ABI3BP: variants seen among roughly 807,000 people sequenced by gnomAD.
ABI3BP encodes target of Nesh-SH3.
ABI3BP carries 216 observed loss-of-function variants against 268.6 expected under a neutral mutation model. The ratio of observed to expected loss-of-function variants is 0.80; its 90% CI spans 0.72 to 0.90. The LOEUF (loss-of-function observed/expected upper bound fraction) is 0.90. Ranked by LOEUF, ABI3BP falls within the 40% of genes least tolerant of loss-of-function variation. ABI3BP has a pLI of 0.00. For missense variants in ABI3BP, 2,090 were observed against 2,182.4 expected (o/e 0.96, Z 0.84); for synonymous variants, 730 against 730.0 (o/e 1.00, Z 0.00).
Position 100,791,072 on chromosome 3 carries a change from T to G in ABI3BP, c.4025-1556A>C, listed in dbSNP as rs185788913. On this transcript the variant is annotated intron_variant, in intron 55 of 67. Transcript: ENST00000471714. ...GCTCATCACCAAACAATATATGGCC[T>G]TGAGGGTTTCAATTTTAAACATAGT... 1.7e-3 allele frequency among the ~76,000 whole-genome samples: 265 copies of G among 151,984 alleles called. 3 individuals carry two copies. The South Asian group carries it at 0.022, about 12-fold the overall frequency.
At chr3:100,906,387 A>G (rs1326597319) in intron 2 of ABI3BP, among the ~76,000 whole-genome samples, 1 of 152,208 alleles carries the variant, frequency 6.6e-6, no homozygotes, top group African/African-American at 2.4e-5. Context: ...CTCATTAAAT[A>G]TTTCCAACAT....
In ABI3BP at chr3:100,902,943, A is replaced by C. The variant is rs138492434; in HGVS notation, c.260-257T>G. On this transcript the variant is annotated intron_variant, in intron 2 of 67. Coordinates refer to ENST00000471714, the MANE Select transcript of ABI3BP (RefSeq NM_001375547.2). ...GTCTTAAAATAATCATACTATACACAGATTTTAAACGCTGTCTTCATCAGT... is the reference window on the plus strand; with the variant it reads ...GTCTTAAAATAATCATACTATACACCGATTTTAAACGCTGTCTTCATCAGT... Among the ~76,000 whole-genome samples the C allele has an allele frequency of 4.2e-3, 633 of 152,342 alleles. 1 individual carries two copies. Among genetic ancestry groups the C allele is most frequent in the African/African-American group, 0.015 (607 of 41,572 alleles).
intron 14 of ABI3BP, among the ~76,000 whole-genome samples, chr3:100,858,051 C>T (rs1281702161): frequency 2.0e-5 from 3 of 152,186 alleles, no homozygotes; most frequent in South Asian, 4.1e-4. Flanking sequence ...AAAACATGAA[C>T]CAATTTTATT....
intron 1 of ABI3BP, among the ~76,000 whole-genome samples, chr3:100,939,698 T>G (rs1348574735): frequency 6.6e-6 from 1 of 152,132 alleles, no homozygotes; most frequent in African/African-American, 2.4e-5. Flanking sequence ...TTAAAATTGC[T>G]AATGAAGTTT....
intron 57 of ABI3BP, among the ~76,000 whole-genome samples, chr3:100,787,329 CA>C (rs926375826): frequency 8.1e-4 from 123 of 151,760 alleles, no homozygotes; most frequent in African/African-American, 2.8e-3. Flanking sequence ...TGCAGTTATT[CA>C]AAAAAAATTT....
chr3:100,846,460 G>T lies in ABI3BP; in HGVS notation c.1649-14C>A, dbSNP rs1438842570. ...TTTTACCGGGAGCTGGAAAAATAAA[G>T]AAACAAAATAATAAACAAATCAATA... On this transcript the variant is annotated splice_polypyrimidine_tract_variant and intron_variant, in intron 19 of 67. Transcript: ENST00000471714. The T allele has an allele frequency of 1.3e-6, 2 of 1,552,288 alleles. No individual in the cohort carries two copies. The highest frequency in any genetic ancestry group is 2.4e-5 in the South Asian group (2 of 84,106).
At position 100,795,019 on chromosome 3, in the gene ABI3BP, G is replaced by A; in HGVS notation, c.3866-16C>T. Reference sequence around the variant, plus strand: ...TCTAGAGGAGCTGCAAAAAGAAAAGGACCAAGGTTGTAAATTTTTAGATTC... The same window carrying A: ...TCTAGAGGAGCTGCAAAAAGAAAAGAACCAAGGTTGTAAATTTTTAGATTC... On this transcript the variant is annotated splice_polypyrimidine_tract_variant and intron_variant, in intron 53 of 67. Transcript: ENST00000471714. 7.0e-7 allele frequency: 1 copy of A among 1,429,452 alleles called. No individual in the cohort carries two copies. The highest frequency in any genetic ancestry group is 1.5e-5 in the African/African-American group (1 of 66,920). The allele number at this position is 1,429,452 out of a possible 1,614,324, so 88.5% of individuals were successfully genotyped here.
intron 50 of ABI3BP, among the ~76,000 whole-genome samples, chr3:100,805,287 C>T (rs1003706023): frequency 6.6e-6 from 1 of 151,948 alleles, no homozygotes; most frequent in African/African-American, 2.4e-5. Flanking sequence ...TCCTATGGAA[C>T]ATGGATATGC....
intron 61 of ABI3BP, among the ~76,000 whole-genome samples, chr3:100,773,476 G>T (rs961285654): frequency 6.6e-6 from 1 of 152,170 alleles, no homozygotes; most frequent in Non-Finnish European, 1.5e-5. Context: ...GTGAGGATTT[G>T]GAGGAACTAG....
chr3:100,839,427 A>T, intron 24 of ABI3BP, 142 bp downstream of exon 24: 1 of 910,498 alleles, frequency 1.1e-6, no homozygotes, highest in Non-Finnish European at 1.7e-6. Flanking sequence ...TAGGATCTTC[A>T]GACCCAGACA....
intron 9 of ABI3BP, among the ~76,000 whole-genome samples, chr3:100,867,558 G>A (rs1327879439): frequency 1.4e-5 from 2 of 145,302 alleles, no homozygotes; most frequent in Non-Finnish European, 3.0e-5. Context: ...GGAGAATGGC[G>A]TGAACCCGGG....
intron 55 of ABI3BP, 95 bp downstream of exon 55, chr3:100,792,596 A>T: frequency 1.6e-6 from 2 of 1,251,422 alleles, no homozygotes; most frequent in Non-Finnish European, 2.3e-6. Context: ...CAAGTAATCC[A>T]CTGTGTTGAG....
intron 39 of ABI3BP, 105 bp from the exon 40 acceptor site, chr3:100,820,408 A>T (rs1375760310): frequency 1.2e-6 from 1 of 858,032 alleles, no homozygotes; most frequent in Non-Finnish European, 1.7e-6. Flanking sequence ...ATTTTCTCAT[A>T]TTTCAGGAAA....
chr3:100,982,674 T>A (rs2090117753), intron 1 of ABI3BP, among the ~76,000 whole-genome samples: 1 of 152,100 alleles, frequency 6.6e-6, no homozygotes, highest in South Asian at 2.1e-4. Flanking sequence ...TGGGAGAGCA[T>A]GCCCAGAATC....
chr3:100,941,027 T>A (rs2068942026), intron 1 of ABI3BP, among the ~76,000 whole-genome samples: 1 of 150,690 alleles, frequency 6.6e-6, no homozygotes, highest in Admixed American at 6.6e-5. Context: ...ATCTAAAGAA[T>A]AATTACATTT....
At chr3:100,892,567 T>C (rs1244868479) in intron 4 of ABI3BP, among the ~76,000 whole-genome samples, 2 of 152,220 alleles carry the variant, frequency 1.3e-5, no homozygotes, top group Non-Finnish European at 2.9e-5. Flanking sequence ...TAGTAATTTG[T>C]AAATGGGCCC....
chr3:100,830,923 C>A (rs1218433596), intron 31 of ABI3BP, among the ~76,000 whole-genome samples: 1 of 152,060 alleles, frequency 6.6e-6, no homozygotes, highest in Non-Finnish European at 1.5e-5. Flanking sequence ...CGAATGAACA[C>A]TAGAAAATCT....
At chr3:100,955,649 C>G (rs527891817) in intron 1 of ABI3BP, among the ~76,000 whole-genome samples, 1 of 152,014 alleles carries the variant, frequency 6.6e-6, no homozygotes. Context: ...ATACTTTACA[C>G]GTGGAATCTT....
At chr3:100,776,521 T>C (rs906894196) in intron 59 of ABI3BP, among the ~76,000 whole-genome samples, 1 of 152,140 alleles carries the variant, frequency 6.6e-6, no homozygotes, top group Non-Finnish European at 1.5e-5. Context: ...ACATGTCACA[T>C]GGTGGCAGCC....
Sources: gnomAD v4.1 joint callset for allele counts (sites outside exome capture counted in the v4.1 genomes callset) on GRCh38, gnomAD v4.1.1 for gene constraint, MANE v1.5 for transcripts, NCBI Gene and HGNC (gene_info 2026-07-23, HGNC 2026-07-21) for gene names.